Variants in CDH18 observed in about 807,000 individuals in gnomAD.
CDH18 encodes cadherin-18.
CDH18 carries 31 observed loss-of-function variants against 67.9 expected under a neutral mutation model. The observed-to-expected ratio is 0.46, with a 90% CI of 0.34 to 0.62. CDH18 has a LOEUF of 0.62. Ranked by LOEUF, CDH18 falls within the 20% of genes least tolerant of loss-of-function variation. CDH18 has a pLI of 0.01. For missense variants in CDH18, 890 were observed against 975.5 expected (o/e 0.91, Z 1.17); for synonymous variants, 362 against 347.2 (o/e 1.04, Z -0.48).
intron 2 of CDH18, among the ~76,000 whole-genome samples, chr5:19,906,952 T>C (rs556678247): frequency 1.3e-4 from 20 of 152,064 alleles, no homozygotes; most frequent in Non-Finnish European, 2.7e-4. Context: ...ATTTTATAGG[T>C]AAATAGAGTT....
At chr5:19,675,046 G>C (rs1027880976) in intron 5 of CDH18, among the ~76,000 whole-genome samples, 1 of 151,974 alleles carries the variant, frequency 6.6e-6, no homozygotes, top group Admixed American at 6.6e-5. Flanking sequence ...TGGGTGTCTG[G>C]GGGAGACATC....
intron 2 of CDH18, among the ~76,000 whole-genome samples, chr5:20,029,930 T>C (rs564255115): frequency 7.2e-5 from 11 of 152,328 alleles, no homozygotes; most frequent in South Asian, 2.1e-4. Context: ...ATGATATCTA[T>C]TCCTAAGTTT....
intron 1 of CDH18, among the ~76,000 whole-genome samples, chr5:20,367,847 C>T (rs1363676739): frequency 6.6e-6 from 1 of 152,170 alleles, no homozygotes; most frequent in African/African-American, 2.4e-5. Flanking sequence ...ATTTGTTTTA[C>T]TTCCACAAAG....
intron 4 of CDH18, among the ~76,000 whole-genome samples, chr5:19,731,323 C>A (rs190191569): frequency 6.6e-6 from 1 of 151,946 alleles, no homozygotes; most frequent in Non-Finnish European, 1.5e-5. Flanking sequence ...TGGTGGCGGG[C>A]GCCTGTAGCC....
chr5:19,773,253 T>C (rs995839092), intron 3 of CDH18, among the ~76,000 whole-genome samples: 4 of 152,104 alleles, frequency 2.6e-5, no homozygotes, highest in African/African-American at 9.7e-5. Flanking sequence ...CAAGATCACA[T>C]CAGAAGTCTG....
intron 2 of CDH18, among the ~76,000 whole-genome samples, chr5:19,970,432 A>C (rs983451406): frequency 6.6e-5 from 10 of 151,756 alleles, no homozygotes; most frequent in African/African-American, 1.4e-4. Context: ...ATATTTAAGC[A>C]TTTTACACTT....
chr5:19,688,736 T>A (rs1292098499), intron 5 of CDH18, among the ~76,000 whole-genome samples: 1 of 152,004 alleles, frequency 6.6e-6, no homozygotes, highest in South Asian at 2.1e-4. Flanking sequence ...AAAATAATGA[T>A]ATTAAAGAAG....
chr5:20,332,429 A>C (rs1003013302), intron 1 of CDH18, among the ~76,000 whole-genome samples: 1 of 152,168 alleles, frequency 6.6e-6, no homozygotes, highest in African/African-American at 2.4e-5. Flanking sequence ...CTTGTAATAA[A>C]AGGTCATTCC....
intron 3 of CDH18, among the ~76,000 whole-genome samples, chr5:19,837,086 A>C (rs551424740): frequency 3.3e-5 from 5 of 152,208 alleles, no homozygotes; most frequent in Non-Finnish European, 5.9e-5. Context: ...GCCATAAAAA[A>C]GGATGAGTTC....
chr5:20,464,713 G>A (rs1751518870), intron 1 of CDH18, among the ~76,000 whole-genome samples: 1 of 152,062 alleles, frequency 6.6e-6, no homozygotes, highest in Non-Finnish European at 1.5e-5. Flanking sequence ...TCTGATCCCA[G>A]GTAAGATAAA....
intron 11 of CDH18, among the ~76,000 whole-genome samples, chr5:19,496,718 A>C (rs2126711784): frequency 6.8e-6 from 1 of 148,010 alleles, no homozygotes; most frequent in East Asian, 2.1e-4. Context: ...AGGCTGAGTT[A>C]GGAGAATCGC....
chr5:20,095,501 GGGA>G, intron 2 of CDH18, among the ~76,000 whole-genome samples: 1 of 138,402 alleles, frequency 7.2e-6, no homozygotes, highest in African/African-American at 2.8e-5. Flanking sequence ...GAGGGAGGGA[GGGA>G]GGGAGGATGG....
chr5:19,513,968 A>C (rs890472821), intron 10 of CDH18, among the ~76,000 whole-genome samples: 2 of 151,956 alleles, frequency 1.3e-5, no homozygotes, highest in Non-Finnish European at 2.9e-5. Flanking sequence ...TTTACATTAG[A>C]TATTTCTCTT....
intron 1 of CDH18, among the ~76,000 whole-genome samples, chr5:20,373,891 C>T (rs918939979): frequency 4.6e-5 from 7 of 151,990 alleles, no homozygotes; most frequent in Admixed American, 2.6e-4. Flanking sequence ...AGATTGGGAT[C>T]TCTAAGAAAC....
chr5:19,848,935 A>G (rs1783326344), intron 2 of CDH18, among the ~76,000 whole-genome samples: 1 of 150,274 alleles, frequency 6.7e-6, no homozygotes, highest in East Asian at 1.9e-4. Flanking sequence ...TATTATATAT[A>G]TGTGTATATA....
intron 1 of CDH18, among the ~76,000 whole-genome samples, chr5:20,524,922 T>G (rs1266973545): frequency 6.6e-6 from 1 of 152,114 alleles, no homozygotes; most frequent in Non-Finnish European, 1.5e-5. Flanking sequence ...GAAGAGAAGA[T>G]AGCAACAAGG....
At chr5:19,522,400 A>C (rs1747043204) in intron 9 of CDH18, among the ~76,000 whole-genome samples, 1 of 152,150 alleles carries the variant, frequency 6.6e-6, no homozygotes, top group East Asian at 1.9e-4. Context: ...TCATTAAAAA[A>C]GATATAAAGA....
At chr5:19,938,859 C>A (rs2150224482) in intron 2 of CDH18, among the ~76,000 whole-genome samples, 1 of 151,280 alleles carries the variant, frequency 6.6e-6, no homozygotes, top group East Asian at 1.9e-4. Flanking sequence ...TGGAGCATTT[C>A]TTTGTTTAAT....
chr5:19,635,507 C>T (rs1156375313), intron 5 of CDH18, among the ~76,000 whole-genome samples: 3 of 152,024 alleles, frequency 2.0e-5, no homozygotes, highest in Non-Finnish European at 4.4e-5. Flanking sequence ...TTTTGTAAAC[C>T]CTTGATGACA....
Sources: allele counts gnomAD v4.1 joint callset (sites outside exome capture counted in the v4.1 genomes callset), GRCh38; gene constraint gnomAD v4.1.1; transcripts MANE v1.5; gene names NCBI Gene and HGNC (gene_info 2026-07-23, HGNC 2026-07-21).